The following CACNB2 variants were observed in gnomAD, a reference collection of about 807,000 sequenced individuals.
CACNB2 encodes voltage-dependent L-type calcium channel subunit beta-2.
In CACNB2, 42 loss-of-function variants were observed where a neutral mutation model predicts 73.3. That is an observed-to-expected ratio of 0.57 (90% confidence interval 0.45 to 0.74). CACNB2 has a LOEUF of 0.74. Ranked by LOEUF, CACNB2 falls within the 30% of genes least tolerant of loss-of-function variation. The pLI is 0.00. For synonymous variants in CACNB2, 348 were observed against 310.3 expected (o/e 1.12, Z -1.28); for missense variants, 940 against 853.0 (o/e 1.10, Z -1.27).
In CACNB2 at chr10:18,539,262, C is replaced by A. The variant is rs143060134; in HGVS notation, c.1521C>A (p.Ser507=). 64 of 1,613,832 alleles carry A rather than the reference C, an allele frequency of 4.0e-5. No individual in the cohort carries two copies. The African/African-American group carries it at 7.3e-4, about 19-fold the overall frequency. ...GSQGDQRTDR[S]APIRSASQAE... ...AAGGTGATCAGAGGACTGATCGCTC[C>A]GCTCCTATCCGTTCTGCTTCCCAAG... Residue 507 remains serine, a synonymous_variant, in exon 14 of 14, where the codon TCC becomes TCA. Transcript: ENST00000324631.
intron 10 of CACNB2, among the ~76,000 whole-genome samples, chr10:18,529,065 T>G (rs1443255697): frequency 6.6e-6 from 1 of 152,174 alleles, no homozygotes; most frequent in Non-Finnish European, 1.5e-5. Flanking sequence ...TTCCCAGGCT[T>G]GGGCAATCCT....
intron 2 of CACNB2, among the ~76,000 whole-genome samples, chr10:18,400,127 C>G (rs2043915522): frequency 6.6e-6 from 1 of 152,202 alleles, no homozygotes; most frequent in South Asian, 2.1e-4. Flanking sequence ...GCGGTGATTA[C>G]TTTCGTGTCC....
At position 18,331,926 on chromosome 10, in the gene CACNB2, T is replaced by G. The variant is rs575254073; in HGVS notation, c.214-69998T>G. Among the ~76,000 whole-genome samples the G allele has an allele frequency of 3.4e-3, 520 of 151,968 alleles. 9 individuals carry two copies. Among genetic ancestry groups the G allele is most frequent in the Non-Finnish European group, 4.7e-3 (320 of 67,970 alleles). ...GATTAGGGGCGCAGGGTGGGGGCAG[T>G]GAGGGGAAAGCACTCTAAGCAGATG... On this transcript the variant is annotated intron_variant, in intron 2 of 13. Transcript: ENST00000324631.
chr10:18,140,669 G>C lies in CACNB2; in HGVS notation c.-68G>C, dbSNP rs547970233. The C allele has an allele frequency of 1.0e-5, 14 of 1,381,952 alleles. No homozygotes were observed. Among genetic ancestry groups the C allele is most frequent in the East Asian group, 2.4e-5 (1 of 41,602 alleles). 85.6% of individuals were successfully genotyped at this position (1,381,952 alleles called of 1,614,324 possible). ...CCAGAGCCGATCAGAGCGCGGGGAG[G>C]CGGGGGCGAGGAGGAGGGGACCCGC... On this transcript the variant is annotated 5_prime_UTR_variant, in exon 1 of 14. Transcript: ENST00000324631.
intron 2 of CACNB2, among the ~76,000 whole-genome samples, chr10:18,184,680 G>GTTGTGTAT (rs2034065779): frequency 3.0e-5 from 2 of 66,254 alleles, no homozygotes; most frequent in African/African-American, 1.2e-4. Context: ...TTTTTTCAGT[G>GTTGTGTAT]TTGTGTATTT....
chr10:18,454,910 C>T lies in CACNB2; in HGVS notation c.334-43445C>T, dbSNP rs147374108. On this transcript the variant is annotated intron_variant, in intron 3 of 13. Coordinates refer to ENST00000324631, the MANE Select transcript of CACNB2 (RefSeq NM_201596.3). ...TTAAAAAATTAGCCAGACGTGATAG[C>T]AGGCACCTGTGGTCCCAGCTGCTGT... Among the ~76,000 whole-genome samples the T allele has an allele frequency of 1.6e-4, 24 of 152,214 alleles. No homozygotes were observed. In the East Asian group the frequency reaches 4.6e-3, roughly 29 times the overall value.
intron 3 of CACNB2, among the ~76,000 whole-genome samples, chr10:18,439,125 A>C (rs369580494): frequency 1.3e-5 from 2 of 152,268 alleles, no homozygotes; most frequent in East Asian, 3.8e-4. Flanking sequence ...CATGCACTGG[A>C]GTTCACAGAA....
chr10:18,390,834 C>T (rs2043435825), intron 2 of CACNB2, among the ~76,000 whole-genome samples: 1 of 152,180 alleles, frequency 6.6e-6, no homozygotes. Context: ...CAAGTGCATT[C>T]TTTCTAGTAG....
At chr10:18,467,972 T>C (rs1191951553) in intron 3 of CACNB2, among the ~76,000 whole-genome samples, 1 of 152,096 alleles carries the variant, frequency 6.6e-6, no homozygotes, top group Non-Finnish European at 1.5e-5. Flanking sequence ...CCAAAAAGTG[T>C]TTTTTTGTGA....
intron 2 of CACNB2, among the ~76,000 whole-genome samples, chr10:18,280,157 A>T (rs1350424449): frequency 2.0e-5 from 3 of 152,190 alleles, no homozygotes; most frequent in Non-Finnish European, 2.9e-5. Flanking sequence ...AATAAGTTCT[A>T]CTTTGAATTA....
intron 2 of CACNB2, among the ~76,000 whole-genome samples, chr10:18,288,678 C>T (rs1052657478): frequency 1.4e-5 from 2 of 147,334 alleles, no homozygotes; most frequent in African/African-American, 2.5e-5. Context: ...GAGATTTATA[C>T]ACACACACAC....
At chr10:18,165,481 C>T (rs376097475) in intron 2 of CACNB2, among the ~76,000 whole-genome samples, 33 of 152,348 alleles carry the variant, frequency 2.2e-4, no homozygotes, top group African/African-American at 4.1e-4. Context: ...GGCACGATCT[C>T]GGCTCCCTGT....
chr10:18,371,640 G>C (rs2042588400), intron 2 of CACNB2, among the ~76,000 whole-genome samples: 1 of 152,140 alleles, frequency 6.6e-6, no homozygotes, highest in South Asian at 2.1e-4. Context: ...CTTTGCTATT[G>C]TGAATAGTGC....
At chr10:18,525,226 T>C (rs1300003614) in intron 9 of CACNB2, among the ~76,000 whole-genome samples, 1 of 152,092 alleles carries the variant, frequency 6.6e-6, no homozygotes, top group African/African-American at 2.4e-5. Context: ...TGTTATATGC[T>C]TGGGGATTCC....
intron 2 of CACNB2, among the ~76,000 whole-genome samples, chr10:18,200,951 A>G (rs2034851200): frequency 6.6e-6 from 1 of 152,214 alleles, no homozygotes; most frequent in Admixed American, 6.5e-5. Context: ...ATTTACCTCC[A>G]TGACATCTAT....
Position 18,235,108 on chromosome 10 carries a change from A to G in CACNB2, c.213+84133A>G, listed in dbSNP as rs866629218. Among the ~76,000 whole-genome samples, 7 of 148,090 alleles carry G rather than the reference A, an allele frequency of 4.7e-5. No individual in the cohort carries two copies. In the South Asian group the frequency reaches 1.5e-3, roughly 32 times the overall value. ...CAGTGAGCCGGGATCACGCCACTGC[A>G]CTCCAGCCTGGGCGACAGAGCGAGA... On this transcript the variant is annotated intron_variant, in intron 2 of 13. Transcript: ENST00000324631.
intron 3 of CACNB2, among the ~76,000 whole-genome samples, chr10:18,443,371 C>T (rs1406720770): frequency 2.6e-5 from 4 of 151,812 alleles, no homozygotes; most frequent in Non-Finnish European, 5.9e-5. Context: ...ACTAGGGAAC[C>T]AATGAGGCTT....
At chr10:18,434,685 G>C in intron 3 of CACNB2, among the ~76,000 whole-genome samples, 1 of 152,158 alleles carries the variant, frequency 6.6e-6, no homozygotes, top group Non-Finnish European at 1.5e-5. Flanking sequence ...ATAGGCATGA[G>C]TCATTGTGCC....
At chr10:18,393,584 C>G (rs1303690573) in intron 2 of CACNB2, among the ~76,000 whole-genome samples, 1 of 152,204 alleles carries the variant, frequency 6.6e-6, no homozygotes, top group South Asian at 2.1e-4. Flanking sequence ...AGCTTCAGTA[C>G]TGAAAACCAG....
Sources: allele counts gnomAD v4.1 joint callset (sites outside exome capture counted in the v4.1 genomes callset), GRCh38; gene constraint gnomAD v4.1.1; transcripts MANE v1.5; gene names NCBI Gene and HGNC (gene_info 2026-07-23, HGNC 2026-07-21).